The following PCSK5 variants were observed in gnomAD, a reference collection of about 807,000 sequenced individuals.
The protein encoded by PCSK5 is prohormone convertase 5.
A neutral mutation model predicts 233.2 loss-of-function variants in PCSK5; 129 were observed. That is an observed-to-expected ratio of 0.55 (90% CI 0.48 to 0.64). PCSK5 has a LOEUF of 0.64. Among genes scored for constraint, PCSK5 ranks in the 30% least tolerant of loss-of-function variants. PCSK5 has a pLI of 0.00. For synonymous variants in PCSK5, 825 were observed against 879.2 expected (o/e 0.94, Z 1.09); for missense variants, 2,076 against 2,430.1 (o/e 0.85, Z 3.06).
intron 7 of PCSK5, among the ~76,000 whole-genome samples, chr9:76,075,642 T>C (rs1475616): frequency 0.14 from 21,198 of 152,162 alleles, 1,747 homozygotes; most frequent in East Asian, 0.24. Flanking sequence ...CTTAATACAA[T>C]ATTAGATTAT....
At chr9:76,133,698 A>C (rs1197608021) in intron 9 of PCSK5, among the ~76,000 whole-genome samples, 3 of 152,026 alleles carry the variant, frequency 2.0e-5, no homozygotes, top group Non-Finnish European at 4.4e-5. Context: ...AAACTATTCA[A>C]TGATTAAAGA....
At chr9:75,908,857 G>T (rs373873840) in intron 1 of PCSK5, among the ~76,000 whole-genome samples, 52 of 143,476 alleles carry the variant, frequency 3.6e-4, no homozygotes, top group African/African-American at 1.3e-3. Context: ...CGCCATCCAT[G>T]CATCCTTCTC....
In PCSK5 at chr9:76,023,863, A is replaced by G. The variant is rs1828304038; in HGVS notation, c.537A>G (p.Pro179=). The change falls in exon 4 of 38, where the codon CCA becomes CCG. Residue 179 remains proline (P), a synonymous_variant. Coordinates refer to ENST00000674117, the MANE Select transcript of PCSK5 (RefSeq NM_001372043.1). Reference sequence around the variant, plus strand: ...ATGACGGAATTGAGAGAACCCATCCAGATCTGATGCAAAACTACGTGAGTG... The same window carrying G: ...ATGACGGAATTGAGAGAACCCATCCGGATCTGATGCAAAACTACGTGAGTG... ...ILDDGIERTH[P]DLMQNYDALA... 3.7e-6 allele frequency: 6 copies of G among 1,612,072 alleles called. No individual in the cohort carries two copies. The highest frequency in any genetic ancestry group is 4.2e-6 in the Non-Finnish European group (5 of 1,179,234).
intron 30 of PCSK5, among the ~76,000 whole-genome samples, chr9:76,319,701 A>G (rs1829137473): frequency 6.6e-6 from 1 of 152,100 alleles, no homozygotes; most frequent in Admixed American, 6.6e-5. Context: ...GAAGCTGGAT[A>G]CTATCCAGAC....
At chr9:75,892,619 G>C (rs890996667) in intron 1 of PCSK5, among the ~76,000 whole-genome samples, 1 of 152,202 alleles carries the variant, frequency 6.6e-6, no homozygotes, top group African/African-American at 2.4e-5. Context: ...GGAGAGTACG[G>C]ACAGTTTCTG....
chr9:76,310,789 C>T lies in PCSK5; in HGVS notation c.3822C>T (p.Cys1274=), dbSNP rs768396393. ...CTGGAGCCGATCTTTGCAAAAAATG[C>T]CAGATGCAGCCGGGCCACCCTCTCT... ...ICSGADLCKK[C]QMQPGHPLFL... Residue 1274 remains cysteine, a synonymous_variant, in exon 30 of 38, where the codon TGC becomes TGT. Transcript: ENST00000674117. 1.9e-6 allele frequency: 3 copies of T among 1,611,638 alleles called. No individual in the cohort carries two copies. Among genetic ancestry groups the T allele is most frequent in the African/African-American group, 1.3e-5 (1 of 75,010 alleles).
At chr9:76,132,889 A>G (rs1822816164) in intron 9 of PCSK5, among the ~76,000 whole-genome samples, 1 of 152,094 alleles carries the variant, frequency 6.6e-6, no homozygotes, top group Admixed American at 6.6e-5. Flanking sequence ...ACCCTAAAAA[A>G]CATAGATGTG....
intron 30 of PCSK5, among the ~76,000 whole-genome samples, chr9:76,314,922 G>A (rs1309803786): frequency 6.6e-6 from 1 of 151,300 alleles, no homozygotes; most frequent in Non-Finnish European, 1.5e-5. Flanking sequence ...TTACAGGCAT[G>A]AGCCGCCACG....
At position 76,052,181 on chromosome 9, in the gene PCSK5, CTTG is replaced by C. The variant is rs530858678; in HGVS notation, c.633-15764_633-15762del. On this transcript the variant is annotated intron_variant, in intron 5 of 37. Coordinates refer to ENST00000674117, the MANE Select transcript of PCSK5 (RefSeq NM_001372043.1). Reference sequence around the variant, plus strand: ...ACAGGAAGCTCTCATACACTATGGCCTTGTTGTTGTTGATCCCCAAGATACAGA... The same window carrying C: ...ACAGGAAGCTCTCATACACTATGGCCTTGTTGTTGATCCCCAAGATACAGA... Among the ~76,000 whole-genome samples the C allele has an allele frequency of 5.1e-3, 784 of 152,234 alleles. 5 individuals carry two copies. Among genetic ancestry groups the C allele is most frequent in the Non-Finnish European group, 8.2e-3 (556 of 68,004 alleles).
At chr9:75,962,776 C>G (rs1198487993) in intron 2 of PCSK5, among the ~76,000 whole-genome samples, 1 of 152,160 alleles carries the variant, frequency 6.6e-6, no homozygotes, top group African/African-American at 2.4e-5. Flanking sequence ...GACATCACAC[C>G]CAAGTGGCTG....
At chr9:75,917,095 G>A (rs1321302818) in intron 1 of PCSK5, among the ~76,000 whole-genome samples, 1 of 151,630 alleles carries the variant, frequency 6.6e-6, no homozygotes, top group African/African-American at 2.4e-5. Flanking sequence ...CTTGAACCTG[G>A]GAAGTGGAGG....
At chr9:76,175,284 A>C (rs1336604140) in intron 14 of PCSK5, 155 bp downstream of exon 14, 3 of 597,710 alleles carry the variant, frequency 5.0e-6, no homozygotes, top group Admixed American at 3.1e-5. Context: ...ATCGAATCGA[A>C]TCGAATCGAA....
intron 36 of PCSK5, among the ~76,000 whole-genome samples, chr9:76,351,284 AAGC>A (rs954099842): frequency 2.6e-5 from 4 of 151,834 alleles, no homozygotes; most frequent in African/African-American, 7.3e-5. Context: ...TGTCTGGTCT[AAGC>A]AGAAATGTGT....
At chr9:75,982,804 A>C (rs1157437841) in intron 2 of PCSK5, among the ~76,000 whole-genome samples, 3 of 132,846 alleles carry the variant, frequency 2.3e-5, no homozygotes, top group East Asian at 2.2e-4. Flanking sequence ...TAGTTAAATT[A>C]GTCAAAGTTT....
chr9:76,318,785 C>T (rs569006410), intron 30 of PCSK5, among the ~76,000 whole-genome samples: 42 of 152,174 alleles, frequency 2.8e-4, no homozygotes, highest in African/African-American at 9.9e-4. Context: ...GGGCATTAAC[C>T]CTTTTGAGTC....
chr9:75,937,101 A>C (rs559382628), intron 2 of PCSK5, among the ~76,000 whole-genome samples: 1 of 151,984 alleles, frequency 6.6e-6, no homozygotes, highest in East Asian at 1.9e-4. Flanking sequence ...TCAGTAAACT[A>C]TGCTGTAAAC....
rs1422952836 is a variant in PCSK5 at position 76,121,978 on chromosome 9, T to G, written c.1209-12131T>G. ...AGCAGGGACTACAGGCGCCCGCCACTACGCCCGGCTAATTTTTTGTATTTT... is the reference window on the plus strand; with the variant it reads ...AGCAGGGACTACAGGCGCCCGCCACGACGCCCGGCTAATTTTTTGTATTTT... On this transcript the variant is annotated intron_variant, in intron 9 of 37. Transcript: ENST00000674117. 1.9e-5 allele frequency among the ~76,000 whole-genome samples: 2 copies of G among 104,716 alleles called. 1 individual carries two copies. The highest frequency in any genetic ancestry group is 6.3e-5 in the African/African-American group (2 of 31,762). The allele number at this position is 104,716 out of a possible 152,430, so 68.7% of individuals were successfully genotyped here. A position where few individuals can be genotyped will look rare whatever the true frequency, so the allele number is the denominator to read the frequency against.
At chr9:75,895,386 A>G (rs1372477622) in intron 1 of PCSK5, among the ~76,000 whole-genome samples, 2 of 152,218 alleles carry the variant, frequency 1.3e-5, no homozygotes, top group Non-Finnish European at 1.5e-5. Context: ...TTGAGATCCA[A>G]AGTTTTAGAT....
At position 76,023,780 on chromosome 9, in the gene PCSK5, A is replaced by G; in HGVS notation, c.454A>G (p.Ile152Val). The G allele has an allele frequency of 6.2e-7, 1 of 1,613,326 alleles. No homozygotes were observed. Among genetic ancestry groups the G allele is most frequent in the South Asian group, 1.1e-5 (1 of 90,966 alleles). The change falls in exon 4 of 38, where the codon ATC becomes GTC. Residue 152 changes from isoleucine to valine, a missense_variant. By Grantham distance (29) the Ile-to-Val change is conservative (BLOSUM62 3). Coordinates refer to ENST00000674117, the MANE Select transcript of PCSK5 (RefSeq NM_001372043.1). ...ACATCCCTGCCAGTCTGACATGAAT[A>G]TCGAAGGAGCCTGGAAGAGAGGCTA... ...NTHPCQSDMN[I>V]EGAWKRGYTG... is the part of the protein sequence containing the mutation.
Sources: allele counts gnomAD v4.1 joint callset (sites outside exome capture counted in the v4.1 genomes callset), GRCh38; gene constraint gnomAD v4.1.1; transcripts MANE v1.5; gene names NCBI Gene and HGNC (gene_info 2026-07-23, HGNC 2026-07-21).